XKR4: variants seen among roughly 807,000 people sequenced by gnomAD.
XKR4 encodes XK related 4.
A neutral mutation model predicts 53.9 loss-of-function variants in XKR4; 12 were observed. The ratio of observed to expected loss-of-function variants is 0.22; its 90% CI spans 0.14 to 0.36. The LOEUF (loss-of-function observed/expected upper bound fraction) is 0.36, where lower values mean the gene tolerates loss of function less well. Among genes scored for constraint, XKR4 ranks in the 10% least tolerant of loss-of-function variants. The pLI, the probability that XKR4 is intolerant of heterozygous loss-of-function variation, is 1.00. For synonymous variants in XKR4, 354 were observed against 362.4 expected, an observed-to-expected ratio of 0.98 and a Z score of 0.26; for missense variants, 799 against 859.5, an observed-to-expected ratio of 0.93 and a Z score of 0.88.
At chr8:55,473,775 G>A (rs761402364) in intron 2 of XKR4, among the ~76,000 whole-genome samples, 1 of 151,960 alleles carries the variant, frequency 6.6e-6, no homozygotes, top group Non-Finnish European at 1.5e-5. Context: ...TAAACCCAAA[G>A]TTACAACAGA....
At chr8:55,232,942 C>G (rs545597655) in intron 1 of XKR4, among the ~76,000 whole-genome samples, 8 of 152,310 alleles carry the variant, frequency 5.3e-5, no homozygotes, top group African/African-American at 1.9e-4. Flanking sequence ...AGCCTCTGTT[C>G]TTGCCTCCTT....
intron 1 of XKR4, among the ~76,000 whole-genome samples, chr8:55,157,278 A>G (rs1286623599): frequency 6.6e-6 from 1 of 152,222 alleles, no homozygotes; most frequent in Non-Finnish European, 1.5e-5. Flanking sequence ...TTATTCAGTT[A>G]TTGTAAAATT....
At chr8:55,466,441 C>T (rs1258041511) in intron 2 of XKR4, among the ~76,000 whole-genome samples, 1 of 151,768 alleles carries the variant, frequency 6.6e-6, no homozygotes, top group Non-Finnish European at 1.5e-5. Flanking sequence ...ACAATGAGAA[C>T]ACATGGACAC....
intron 1 of XKR4, among the ~76,000 whole-genome samples, chr8:55,166,033 T>A (rs1243349716): frequency 6.6e-6 from 1 of 152,142 alleles, no homozygotes; most frequent in Non-Finnish European, 1.5e-5. Context: ...GGCATTACTC[T>A]GAACAAGCTT....
intron 2 of XKR4, chr8:55,452,726 A>G: frequency 1.0e-6 from 1 of 976,724 alleles, no homozygotes; most frequent in Non-Finnish European, 1.7e-6. Context: ...CCCCAGCTAC[A>G]TTGCAGGTCT....
Position 55,396,385 on chromosome 8 carries a change from T to G in XKR4, c.1006+38508T>G, listed in dbSNP as rs1307661237. Among the ~76,000 whole-genome samples, 34 of 17,116 alleles carry G rather than the reference T, an allele frequency of 2.0e-3. No homozygotes were observed. The East Asian group carries it at 0.022, about 11-fold the overall frequency. 11.2% of individuals were successfully genotyped at this position (17,116 alleles called of 152,430 possible). ...GGGCAAGGGGAAGGTTTTTTTGTGTTTTTTTTTTGTTTGGTTTTTTTTTTT... is the reference window on the plus strand; with the variant it reads ...GGGCAAGGGGAAGGTTTTTTTGTGTGTTTTTTTTGTTTGGTTTTTTTTTTT... On this transcript the variant is annotated intron_variant, in intron 2 of 2. Transcript: ENST00000327381.
chr8:55,414,413 T>G (rs1804816222), intron 2 of XKR4, among the ~76,000 whole-genome samples: 1 of 151,778 alleles, frequency 6.6e-6, no homozygotes, highest in Non-Finnish European at 1.5e-5. Context: ...AAATGACGAG[T>G]GGCCTAAGAG....
At chr8:55,474,055 T>G (rs1805937152) in intron 2 of XKR4, among the ~76,000 whole-genome samples, 1 of 151,996 alleles carries the variant, frequency 6.6e-6, no homozygotes, top group South Asian at 2.1e-4. Context: ...TAGGAGCACA[T>G]CACCACACCC....
intron 2 of XKR4, among the ~76,000 whole-genome samples, chr8:55,455,796 A>G (rs955364): frequency 0.4 from 60,834 of 151,980 alleles, 12,993 homozygotes; most frequent in East Asian, 0.53. Context: ...AGGACTCTGA[A>G]TGTGCTTCCT....
chr8:55,402,363 A>T (rs1585557183), intron 2 of XKR4, among the ~76,000 whole-genome samples: 1 of 152,290 alleles, frequency 6.6e-6, no homozygotes, highest in African/African-American at 2.4e-5. Flanking sequence ...CCACTGTGCA[A>T]ATAGGTCTTA....
At chr8:55,232,180 G>A (rs1476730145) in intron 1 of XKR4, among the ~76,000 whole-genome samples, 1 of 152,196 alleles carries the variant, frequency 6.6e-6, no homozygotes, top group African/African-American at 2.4e-5. Flanking sequence ...GCCAAGGGGA[G>A]GGACCTCTGG....
intron 1 of XKR4, among the ~76,000 whole-genome samples, chr8:55,225,751 G>T (rs1817943508): frequency 2.0e-5 from 3 of 152,212 alleles, no homozygotes; most frequent in Admixed American, 6.5e-5. Context: ...ACATTGCCCT[G>T]CATGGTGCTG....
intron 1 of XKR4, among the ~76,000 whole-genome samples, chr8:55,174,148 T>TA (rs200266040): frequency 1.7e-4 from 26 of 151,484 alleles, no homozygotes; most frequent in Non-Finnish European, 3.1e-4. Context: ...TATGATCATT[T>TA]AAAAAAAAAG....
chr8:55,428,098 A>G (rs1005900205), intron 2 of XKR4, among the ~76,000 whole-genome samples: 8 of 152,210 alleles, frequency 5.3e-5, no homozygotes, highest in Admixed American at 5.2e-4. Context: ...AAATATTTGT[A>G]GGACTTCTGC....
intron 1 of XKR4, among the ~76,000 whole-genome samples, chr8:55,206,037 C>T (rs766651136): frequency 6.6e-6 from 1 of 152,166 alleles, no homozygotes; most frequent in Non-Finnish European, 1.5e-5. Context: ...GTTGTTTGTT[C>T]CTACCGGTGG....
chr8:55,398,554 A>C (rs1412717133), intron 2 of XKR4, among the ~76,000 whole-genome samples: 1 of 152,184 alleles, frequency 6.6e-6, no homozygotes, highest in Non-Finnish European at 1.5e-5. Flanking sequence ...CACACGGTGG[A>C]GGAGGGCGTG....
At chr8:55,219,544 G>A (rs1009937305) in intron 1 of XKR4, among the ~76,000 whole-genome samples, 14 of 152,094 alleles carry the variant, frequency 9.2e-5, no homozygotes, top group Admixed American at 9.2e-4. Context: ...ATTTTGTCTG[G>A]ACTCTGAGAA....
chr8:55,398,742 C>T (rs1323366761), intron 2 of XKR4, among the ~76,000 whole-genome samples: 1 of 152,190 alleles, frequency 6.6e-6, no homozygotes, highest in Non-Finnish European at 1.5e-5. Context: ...TGTGAGGAAA[C>T]AGGACTTGAT....
At chr8:55,487,234 G>C (rs748700248) in intron 2 of XKR4, among the ~76,000 whole-genome samples, 1 of 152,200 alleles carries the variant, frequency 6.6e-6, no homozygotes, top group Non-Finnish European at 1.5e-5. Flanking sequence ...TGAGCCTGGA[G>C]TTCTGATGTT....
Sources: allele counts gnomAD v4.1 joint callset (sites outside exome capture counted in the v4.1 genomes callset), GRCh38; gene constraint gnomAD v4.1.1; transcripts MANE v1.5; gene names NCBI Gene and HGNC (gene_info 2026-07-23, HGNC 2026-07-21).